Variants in ROBO2 observed in about 807,000 individuals in gnomAD.
ROBO2 encodes roundabout guidance receptor 2, also known as roundabout homolog 2.
In ROBO2, 53 loss-of-function variants were observed where a neutral mutation model predicts 160.8. The ratio of observed to expected loss-of-function variants is 0.33; its 90% CI spans 0.26 to 0.41. The LOEUF (loss-of-function observed/expected upper bound fraction) is 0.41, where lower values mean the gene tolerates loss of function less well. Ranked by LOEUF, ROBO2 falls within the 10% of genes least tolerant of loss-of-function variation. ROBO2 has a pLI of 1.00. For missense variants in ROBO2, 1,577 were observed against 1,722.4 expected (o/e 0.92, Z 1.49); for synonymous variants, 664 against 611.7 (o/e 1.09, Z -1.26).
In ROBO2 at chr3:76,434,333, C is replaced by T. The variant is rs2076570907; in HGVS notation, c.109+496731C>T. On this transcript the variant is annotated intron_variant, in intron 2 of 26. Transcript: ENST00000487694. The stretch of plus-strand genomic sequence containing the variant: ...TGTTGGCACCCATCTCAGAGCAGAT[C>T]AAGAAGTGATAAGCTTTCGGGAGAA... 6 of 1,220,422 alleles carry T rather than the reference C, an allele frequency of 4.9e-6. No individual in the cohort carries two copies. In the Admixed American group the frequency reaches 1.0e-4, roughly 21 times the overall value. 75.6% of individuals were successfully genotyped at this position (1,220,422 alleles called of 1,614,324 possible).
chr3:77,433,403 A>G (rs190526916), intron 2 of ROBO2, among the ~76,000 whole-genome samples: 65 of 148,934 alleles, frequency 4.4e-4, no homozygotes, highest in African/African-American at 1.4e-3. Context: ...CTCCTAGATG[A>G]CATCTATATA....
At chr3:77,437,489 TATTA>T (rs1418487553) in intron 2 of ROBO2, among the ~76,000 whole-genome samples, 6 of 152,058 alleles carry the variant, frequency 3.9e-5, no homozygotes, top group East Asian at 1.9e-4. Context: ...TAATACATAG[TATTA>T]ATTAACAATT....
At chr3:77,229,763 C>T (rs1038864116) in intron 2 of ROBO2, among the ~76,000 whole-genome samples, 3 of 151,950 alleles carry the variant, frequency 2.0e-5, no homozygotes, top group Non-Finnish European at 4.4e-5. Flanking sequence ...TCTGGGGCAC[C>T]GCCATTCTCT....
intron 2 of ROBO2, among the ~76,000 whole-genome samples, chr3:76,245,046 C>T (rs928494975): frequency 1.3e-5 from 2 of 152,000 alleles, no homozygotes; most frequent in Admixed American, 6.6e-5. Context: ...TATTGTCACT[C>T]ATAATAAGGC....
intron 2 of ROBO2, among the ~76,000 whole-genome samples, chr3:76,916,737 A>T (rs184748307): frequency 1.3e-5 from 2 of 152,202 alleles, no homozygotes; most frequent in Admixed American, 6.5e-5. Context: ...TAACACCATA[A>T]CATTTCCTTC....
chr3:76,752,366 C>G (rs1576422870), intron 2 of ROBO2, among the ~76,000 whole-genome samples: 1 of 149,680 alleles, frequency 6.7e-6, no homozygotes, highest in Non-Finnish European at 1.5e-5. Flanking sequence ...TGCAGCACAC[C>G]AACATGGCAC....
At chr3:77,180,884 C>T (rs974683098) in intron 2 of ROBO2, among the ~76,000 whole-genome samples, 1 of 151,758 alleles carries the variant, frequency 6.6e-6, no homozygotes, top group Non-Finnish European at 1.5e-5. Context: ...ACAAAAGCAC[C>T]CAGATTTTAA....
At chr3:76,346,368 C>A (rs2074531973) in intron 2 of ROBO2, among the ~76,000 whole-genome samples, 1 of 152,036 alleles carries the variant, frequency 6.6e-6, no homozygotes, top group Non-Finnish European at 1.5e-5. Context: ...TAGGCTACAC[C>A]TCTTCCTTAG....
chr3:76,446,022 G>T (rs1235691368), intron 2 of ROBO2, among the ~76,000 whole-genome samples: 1 of 152,078 alleles, frequency 6.6e-6, no homozygotes, highest in Non-Finnish European at 1.5e-5. Flanking sequence ...TCAACATAGT[G>T]TTGGAAGTTC....
intron 2 of ROBO2, among the ~76,000 whole-genome samples, chr3:77,125,971 A>C (rs2075282588): frequency 6.6e-6 from 1 of 152,206 alleles, no homozygotes. Context: ...TACAAATTCA[A>C]AACTGGTTAT....
At chr3:76,798,302 AAGAAAG>A in intron 2 of ROBO2, among the ~76,000 whole-genome samples, 1 of 151,496 alleles carries the variant, frequency 6.6e-6, no homozygotes, top group African/African-American at 2.4e-5. Flanking sequence ...GAAAGAAAGA[AAGAAAG>A]AAAGAAAAAA....
At chr3:76,414,157 G>A (rs996030078) in intron 2 of ROBO2, among the ~76,000 whole-genome samples, 1 of 152,058 alleles carries the variant, frequency 6.6e-6, no homozygotes, top group Non-Finnish European at 1.5e-5. Flanking sequence ...CCTCCCCCTG[G>A]TCCCTCTCAC....
intron 2 of ROBO2, among the ~76,000 whole-genome samples, chr3:77,303,846 A>G (rs2062866070): frequency 6.6e-6 from 1 of 152,098 alleles, no homozygotes; most frequent in African/African-American, 2.4e-5. Context: ...GCAGAAATGT[A>G]TCTGGGGACA....
chr3:75,946,351 T>C (rs1390781449), intron 2 of ROBO2, among the ~76,000 whole-genome samples: 1 of 151,990 alleles, frequency 6.6e-6, no homozygotes, highest in East Asian at 1.9e-4. Context: ...TAAATGGCTA[T>C]TTATAGAAAG....
chr3:76,947,291 G>T (rs2078618406), intron 2 of ROBO2, among the ~76,000 whole-genome samples: 1 of 151,916 alleles, frequency 6.6e-6, no homozygotes, highest in Admixed American at 6.6e-5. Context: ...AACCAAATAA[G>T]ATACCTCTAG....
At chr3:77,035,984 A>T (rs951661549), upstream of ROBO2, among the ~76,000 whole-genome samples, 2 of 151,930 alleles carry the variant, frequency 1.3e-5, no homozygotes, top group African/African-American at 4.8e-5. Context: ...TTGATTACAT[A>T]TTTCTGTATA....
intron 2 of ROBO2, among the ~76,000 whole-genome samples, chr3:75,951,221 C>T (rs894820154): frequency 3.3e-5 from 5 of 151,960 alleles, no homozygotes; most frequent in Admixed American, 1.3e-4. Context: ...TTTTCAAGAA[C>T]CTATCAATGA....
intron 5 of ROBO2, among the ~76,000 whole-genome samples, chr3:77,494,182 T>C (rs2086493705): frequency 6.6e-6 from 1 of 152,238 alleles, no homozygotes; most frequent in South Asian, 2.1e-4. Flanking sequence ...TATGCCTTCC[T>C]GCTAGTTCTA....
At chr3:76,338,881 G>A (rs905321893) in intron 2 of ROBO2, among the ~76,000 whole-genome samples, 2 of 152,022 alleles carry the variant, frequency 1.3e-5, no homozygotes, top group African/African-American at 2.4e-5. Context: ...ATTTTAGAAA[G>A]ATTCCAAGAC....
Sources: gnomAD v4.1 joint callset for allele counts (sites outside exome capture counted in the v4.1 genomes callset) on GRCh38, gnomAD v4.1.1 for gene constraint, MANE v1.5 for transcripts, NCBI Gene and HGNC (gene_info 2026-07-23, HGNC 2026-07-21) for gene names.